Variants in THAP11 observed in about 807,000 individuals in gnomAD.
The protein encoded by THAP11 is THAP domain-containing protein 11.
A neutral mutation model predicts 24.1 loss-of-function variants in THAP11; 8 were observed. The ratio of observed to expected loss-of-function variants is 0.33; its 90% CI spans 0.20 to 0.60. The LOEUF (loss-of-function observed/expected upper bound fraction) is 0.60, where lower values mean the gene tolerates loss of function less well. THAP11 is among the 20% of genes least tolerant of loss of function. The probability of loss-of-function intolerance (pLI) is 0.82; values close to 1 mark genes in which losing one functional copy is unlikely to be tolerated. For synonymous variants in THAP11, 222 were observed against 180.2 expected (o/e 1.23, Z -1.86); for missense variants, 276 against 418.4 (o/e 0.66, Z 2.97).
Position 67,843,634 on chromosome 16 carries a change from G to A in THAP11, c.*135G>A. 1 of 880,020 alleles carries A rather than the reference G, an allele frequency of 1.1e-6. No homozygotes were observed. The highest frequency in any genetic ancestry group is 1.7e-6 in the Non-Finnish European group (1 of 584,124). The allele number at this position is 880,020 out of a possible 1,614,324, so 54.5% of individuals were successfully genotyped here. On this transcript the variant is annotated 3_prime_UTR_variant, in exon 1 of 1. Transcript: ENST00000303596. This position sits in a 1 kb window ranked among gnomAD's most constrained non-coding sequence, Gnocchi z 5.7. ...TTAAGGCAGCTGGACTCTCTTGCTG[G>A]TGACCTGGCATCCTCAATTGTTTCC...
rs1236862167 is a variant in THAP11, at chr16:67,842,707, C to T, written c.153C>T (p.Thr51=). 2.5e-6 allele frequency: 4 copies of T among 1,602,044 alleles called. No homozygotes were observed. Among genetic ancestry groups the T allele is most frequent in the Admixed American group, 1.7e-5 (1 of 58,560 alleles). Residue 51 remains threonine, a synonymous_variant, in exon 1 of 1, where the codon ACC becomes ACT. Transcript: ENST00000303596. This position sits in a 1 kb window ranked among gnomAD's most constrained non-coding sequence, Gnocchi z 4.9. ...CCGGCGTCAGTGGGTGCTTCTCCAC[C>T]TTCCAGCCCACCACAGGCCACCGTC... is the stretch of plus-strand genomic sequence containing the variant. The part of the protein sequence containing the change: ...SRAGVSGCFS[T]FQPTTGHRLC...
rs936424497 is a variant in THAP11, at chr16:67,843,009, C to T, written c.455C>T (p.Ala152Val). The change falls in exon 1 of 1, where the codon GCT (alanine) becomes GTT (valine). Residue 152 changes from alanine (A) to valine (V), a missense_variant. This residue lies in a region of THAP11 where 210 missense variants were observed against 203.4 expected (regional missense o/e 1.03). Transcript: ENST00000303596. The surrounding 1 kb of genome is among the most constrained non-coding windows in gnomAD (Gnocchi z 5.7). Reference protein sequence around the residue: ...TAQLQPNLVSASAAVLLTLQA... With the variant: ...TAQLQPNLVSVSAAVLLTLQA... ...CAGCTGCAGCCGAACCTGGTATCTG[C>T]TTCCGCGGCCGTGCTTCTCACCCTT... is the stretch of plus-strand genomic sequence containing the variant. The T allele has an allele frequency of 6.2e-7, 1 of 1,612,654 alleles. No homozygotes were observed. The highest frequency in any genetic ancestry group is 8.5e-7 in the Non-Finnish European group (1 of 1,180,034).
rs116046135 is a variant in THAP11, at chr16:67,843,641, G to C, written c.*142G>C. 3.9e-3 allele frequency: 3,244 copies of C among 823,976 alleles called. 30 individuals are homozygous for C. The highest frequency in any genetic ancestry group is 0.021 in the African/African-American group (1,222 of 57,556). The allele number at this position is 823,976 out of a possible 1,614,324, so 51.0% of individuals were successfully genotyped here. A position where few individuals can be genotyped will look rare whatever the true frequency, so the allele number is the denominator to read the frequency against. ...AGCTGGACTCTCTTGCTGGTGACCT[G>C]GCATCCTCAATTGTTTCCTCCTGAA... On this transcript the variant is annotated 3_prime_UTR_variant, in exon 1 of 1. Coordinates refer to ENST00000303596, the MANE Select transcript of THAP11 (RefSeq NM_020457.3). The surrounding 1 kb of genome is among the most constrained non-coding windows in gnomAD (Gnocchi z 5.7).
Position 67,842,460 on chromosome 16 carries a change from G to T in THAP11, c.-95G>T, listed in dbSNP as rs1445798633. 6.7e-6 allele frequency: 7 copies of T among 1,037,212 alleles called. No homozygotes were observed. In the African/African-American group the frequency reaches 1.2e-4, roughly 17 times the overall value. 64.3% of individuals were successfully genotyped at this position (1,037,212 alleles called of 1,614,324 possible). ...TGGGATACCACCCAAGGCCTCGCGC[G>T]GCGCCGCCCGTCGAGGGGCGGGCGG... is the stretch of plus-strand genomic sequence containing the variant. On this transcript the variant is annotated 5_prime_UTR_variant, in exon 1 of 1. Coordinates refer to ENST00000303596, the MANE Select transcript of THAP11 (RefSeq NM_020457.3). This position sits in a 1 kb window ranked among gnomAD's most constrained non-coding sequence, Gnocchi z 4.9.
chr16:67,843,133 A>G lies in THAP11; in HGVS notation c.579A>G (p.Gln193=). The G allele has an allele frequency of 1.2e-6, 2 of 1,610,016 alleles. No individual in the cohort carries two copies. Residue 193 remains glutamine (Q), a synonymous_variant, in exon 1 of 1, where the codon CAA becomes CAG. Coordinates refer to ENST00000303596, the MANE Select transcript of THAP11 (RefSeq NM_020457.3). The surrounding 1 kb of genome is among the most constrained non-coding windows in gnomAD (Gnocchi z 5.7). ...TGAAGCCCATCGATCTCACAGTGCA[A>G]GTGGAGTTTGCAGCCGCAGAGGGCG... is the stretch of plus-strand genomic sequence containing the variant. ...EDVKPIDLTV[Q]VEFAAAEGAA... is the part of the protein sequence containing the mutation.
rs763303841 is a variant in THAP11, at chr16:67,843,574, C to G, written c.*75C>G. The G allele has an allele frequency of 4.1e-5, 59 of 1,453,528 alleles. No individual in the cohort carries two copies. Among genetic ancestry groups the G allele is most frequent in the Admixed American group, 3.4e-4 (16 of 46,970 alleles). 90.0% of individuals were successfully genotyped at this position (1,453,528 alleles called of 1,614,324 possible). ...GACCGCAGGCCATTGTTGAACTCCT[C>G]TATACTCCTGGGCACTGGTTGACAG... is the stretch of plus-strand genomic sequence containing the variant. On this transcript the variant is annotated 3_prime_UTR_variant, in exon 1 of 1. Coordinates refer to ENST00000303596, the MANE Select transcript of THAP11 (RefSeq NM_020457.3). The surrounding 1 kb of genome is among the most constrained non-coding windows in gnomAD (Gnocchi z 5.7).
At position 67,842,834 on chromosome 16, in the gene THAP11, CCCGCTGGGGCCGCGG is replaced by C; in HGVS notation, c.285_299del (p.Gly96_Ala100del). The C allele has an allele frequency of 6.2e-7, 1 of 1,609,364 alleles. No individual in the cohort carries two copies. Among genetic ancestry groups the C allele is most frequent in the Non-Finnish European group, 8.5e-7 (1 of 1,179,140 alleles). ...CAATGAGCGCAAAGTAGCGCGCAGA[CCCGCTGGGGCCGCGG>C]CCGCCCGCCGCAGGCAGCAGCAGCA... On this transcript the variant is annotated inframe_deletion, in exon 1 of 1. Transcript: ENST00000303596. The surrounding 1 kb of genome is among the most constrained non-coding windows in gnomAD (Gnocchi z 4.9).
rs2057769808 is a variant in THAP11 at position 67,842,600 on chromosome 16, C to T, written c.46C>T (p.His16Tyr). 6.5e-7 allele frequency: 1 copy of T among 1,548,126 alleles called. No individual in the cohort carries two copies. Among genetic ancestry groups the T allele is most frequent in the Non-Finnish European group, 8.7e-7 (1 of 1,144,962 alleles). Residue 16 changes from histidine (H) to tyrosine (Y), a missense_variant, in exon 1 of 1, where the codon CAC (histidine) becomes TAC (tyrosine). Physicochemically the swap from His to Tyr is moderately conservative, Grantham distance 83. Coordinates refer to ENST00000303596, the MANE Select transcript of THAP11 (RefSeq NM_020457.3). This position sits in a 1 kb window ranked among gnomAD's most constrained non-coding sequence, Gnocchi z 4.9. ...CGTGCCAGGCTGCTACAACAACTCG[C>T]ACCGGGACAAGGCGCTGCACTTCTA... ...CCVPGCYNNS[H>Y]RDKALHFYTF... is the part of the protein sequence containing the mutation.
At position 67,842,386 on chromosome 16, in the gene THAP11, A is replaced by C; in HGVS notation, c.-169A>C. 1 of 309,156 alleles carries C rather than the reference A, an allele frequency of 3.2e-6. No homozygotes were observed. Among genetic ancestry groups the C allele is most frequent in the Non-Finnish European group, 5.2e-6 (1 of 191,578 alleles). The allele number at this position is 309,156 out of a possible 1,614,324, so 19.2% of individuals were successfully genotyped here. ...CGCGGCGCGGGCCGGCAGGAAGCGT[A>C]TTCTGGGCACGGGGCGCCGGGCGGG... On this transcript the variant is annotated 5_prime_UTR_variant, in exon 1 of 1. Coordinates refer to ENST00000303596, the MANE Select transcript of THAP11 (RefSeq NM_020457.3). This position sits in a 1 kb window ranked among gnomAD's most constrained non-coding sequence, Gnocchi z 4.9.
In THAP11 at chr16:67,842,999, C is replaced by T; in HGVS notation, c.445C>T (p.Leu149=). 1 of 1,612,636 alleles carries T rather than the reference C, an allele frequency of 6.2e-7. No individual in the cohort carries two copies. Among genetic ancestry groups the T allele is most frequent in the Non-Finnish European group, 8.5e-7 (1 of 1,180,038 alleles). The change falls in exon 1 of 1, where the codon CTG becomes TTG. Residue 149 remains leucine, a synonymous_variant. Transcript: ENST00000303596. This position sits in a 1 kb window ranked among gnomAD's most constrained non-coding sequence, Gnocchi z 4.9. ...CCAGACTGCCCAGCTGCAGCCGAAC[C>T]TGGTATCTGCTTCCGCGGCCGTGCT... ...TAQTAQLQPN[L]VSASAAVLLT... is the part of the protein sequence containing the mutation.
rs1040073667 is a variant in THAP11, at chr16:67,842,343, G to T, written c.-212G>T. 5 of 194,122 alleles carry T rather than the reference G, an allele frequency of 2.6e-5. No homozygotes were observed. The highest frequency in any genetic ancestry group is 1.9e-4 in the South Asian group (1 of 5,370). 12.0% of individuals were successfully genotyped at this position (194,122 alleles called of 1,614,324 possible). ...CCGGGGCCCACTCCCGAGCGCAGGC[G>T]GGCAGCCAGGCGGGCGGCGCGGCGC... On this transcript the variant is annotated 5_prime_UTR_variant, in exon 1 of 1. Transcript: ENST00000303596. This position sits in a 1 kb window ranked among gnomAD's most constrained non-coding sequence, Gnocchi z 4.9.
At position 67,842,526 on chromosome 16, in the gene THAP11, T is replaced by G. The variant is rs756366744; in HGVS notation, c.-29T>G. 1.7e-5 allele frequency: 25 copies of G among 1,472,320 alleles called. No homozygotes were observed. The African/African-American group carries it at 3.4e-4, about 20-fold the overall frequency. 91.2% of individuals were successfully genotyped at this position (1,472,320 alleles called of 1,614,324 possible). Reference sequence around the variant, plus strand: ...GCCGTCGAAGAGCGCAGGAGGCCGGTGGGCCGGGCCGGGCCGCGCGGCGCA... The same window carrying G: ...GCCGTCGAAGAGCGCAGGAGGCCGGGGGGCCGGGCCGGGCCGCGCGGCGCA... On this transcript the variant is annotated 5_prime_UTR_variant, in exon 1 of 1. Transcript: ENST00000303596. The surrounding 1 kb of genome is among the most constrained non-coding windows in gnomAD (Gnocchi z 4.9).
In THAP11 at chr16:67,843,060, C is replaced by T. The variant is rs1274113256; in HGVS notation, c.506C>T (p.Ala169Val). 1.2e-6 allele frequency: 2 copies of T among 1,611,926 alleles called. No homozygotes were observed. Among genetic ancestry groups the T allele is most frequent in the South Asian group, 2.2e-5 (2 of 91,092 alleles). ...CAGGCCACTGTAGACAGCAGTCAGG[C>T]TCCGGGATCCGTACAGCCGGCGCCC... Reference protein sequence around the residue: ...TLQATVDSSQAPGSVQPAPIT... With the variant: ...TLQATVDSSQVPGSVQPAPIT... Residue 169 changes from alanine (A) to valine (V), a missense_variant, in exon 1 of 1, where the codon GCT becomes GTT. Physicochemically the swap from Ala to Val is moderately conservative, Grantham distance 64. Coordinates refer to ENST00000303596, the MANE Select transcript of THAP11 (RefSeq NM_020457.3). The surrounding 1 kb of genome is among the most constrained non-coding windows in gnomAD (Gnocchi z 5.7).
Position 67,842,320 on chromosome 16 carries a change from G to T in THAP11, c.-235G>T, listed in dbSNP as rs930516907. ...TCAGGCGGTCCTTCGCGGCGTCCCC[G>T]GGGCCCACTCCCGAGCGCAGGCGGG... is the stretch of plus-strand genomic sequence containing the variant. On this transcript the variant is annotated 5_prime_UTR_variant, in exon 1 of 1. Coordinates refer to ENST00000303596, the MANE Select transcript of THAP11 (RefSeq NM_020457.3). The surrounding 1 kb of genome is among the most constrained non-coding windows in gnomAD (Gnocchi z 4.9). 1 of 176,954 alleles carries T rather than the reference G, an allele frequency of 5.7e-6. No individual in the cohort carries two copies. The highest frequency in any genetic ancestry group is 2.0e-4 in the South Asian group (1 of 5,104). 11.0% of individuals were successfully genotyped at this position (176,954 alleles called of 1,614,324 possible).
chr16:67,842,827 G>C lies in THAP11; in HGVS notation c.273G>C (p.Ala91=). 2 of 1,609,310 alleles carry C rather than the reference G, an allele frequency of 1.2e-6. No homozygotes were observed. The highest frequency in any genetic ancestry group is 1.7e-6 in the Non-Finnish European group (2 of 1,179,170). Reference sequence around the variant, plus strand: ...GCGGCGTCAATGAGCGCAAAGTAGCGCGCAGACCCGCTGGGGCCGCGGCCG... The same window carrying C: ...GCGGCGTCAATGAGCGCAAAGTAGCCCGCAGACCCGCTGGGGCCGCGGCCG... The part of the protein sequence containing the change: ...PLRGVNERKV[A]RRPAGAAAAR... Residue 91 remains alanine, a synonymous_variant, in exon 1 of 1, where the codon GCG becomes GCC. Transcript: ENST00000303596. The surrounding 1 kb of genome is among the most constrained non-coding windows in gnomAD (Gnocchi z 4.9).
Position 67,844,083 on chromosome 16 carries a change from A to G in THAP11, c.*584A>G, listed in dbSNP as rs571525078. On this transcript the variant is annotated 3_prime_UTR_variant, in exon 1 of 1. Coordinates refer to ENST00000303596, the MANE Select transcript of THAP11 (RefSeq NM_020457.3). Reference sequence around the variant, plus strand: ...TCCAGCTTGCCAGGGACTTAGGTTTATCCTGTTTTGTTTGCTACTGGTTAC... The same window carrying G: ...TCCAGCTTGCCAGGGACTTAGGTTTGTCCTGTTTTGTTTGCTACTGGTTAC... The G allele has an allele frequency of 1.2e-5, 2 of 167,194 alleles. No homozygotes were observed. Among genetic ancestry groups the G allele is most frequent in the African/African-American group, 4.8e-5 (2 of 41,560 alleles). The allele number at this position is 167,194 out of a possible 1,614,324, so 10.4% of individuals were successfully genotyped here. A position where few individuals can be genotyped will look rare whatever the true frequency, so the allele number is the denominator to read the frequency against.
rs1187551404 is a variant in THAP11, at chr16:67,842,423, G to A, written c.-132G>A. ...GGGCGCCGGGCGGGCCGGCTGCGCC[G>A]AGCGGCAGTGGTGGGATACCACCCA... On this transcript the variant is annotated 5_prime_UTR_variant, in exon 1 of 1. Transcript: ENST00000303596. The surrounding 1 kb of genome is among the most constrained non-coding windows in gnomAD (Gnocchi z 4.9). The A allele has an allele frequency of 1.4e-5, 8 of 573,308 alleles. No individual in the cohort carries two copies. The highest frequency in any genetic ancestry group is 2.0e-5 in the African/African-American group (1 of 50,572). 35.5% of individuals were successfully genotyped at this position (573,308 alleles called of 1,614,324 possible). A position where few individuals can be genotyped will look rare whatever the true frequency, so the allele number is the denominator to read the frequency against.
Position 67,842,963 on chromosome 16 carries a change from G to T in THAP11, c.409G>T (p.Ala137Ser). ...QQQQQQSSPSASTAQTAQLQP... is the reference protein window; with the variant it reads ...QQQQQQSSPSSSTAQTAQLQP... Reference sequence around the variant, plus strand: ...GCAGCAGCAGCAGTCCTCACCCTCTGCCTCCACTGCCCAGACTGCCCAGCT... The same window carrying T: ...GCAGCAGCAGCAGTCCTCACCCTCTTCCTCCACTGCCCAGACTGCCCAGCT... The change falls in exon 1 of 1, where the codon GCC (alanine) becomes TCC (serine). Residue 137 changes from alanine (A) to serine (S), a missense_variant. By Grantham distance (99) the Ala-to-Ser change is moderately conservative (BLOSUM62 1). Transcript: ENST00000303596. The surrounding 1 kb of genome is among the most constrained non-coding windows in gnomAD (Gnocchi z 4.9). 1 of 1,606,420 alleles carries T rather than the reference G, an allele frequency of 6.2e-7. No individual in the cohort carries two copies.
In THAP11 at chr16:67,843,016, G is replaced by A. The variant is rs1237792389; in HGVS notation, c.462G>A (p.Ala154=). 2 of 1,612,546 alleles carry A rather than the reference G, an allele frequency of 1.2e-6. No individual in the cohort carries two copies. Among genetic ancestry groups the A allele is most frequent in the Non-Finnish European group, 1.7e-6 (2 of 1,180,016 alleles). Residue 154 remains alanine (A), a synonymous_variant, in exon 1 of 1, where the codon GCG becomes GCA. Coordinates refer to ENST00000303596, the MANE Select transcript of THAP11 (RefSeq NM_020457.3). The surrounding 1 kb of genome is among the most constrained non-coding windows in gnomAD (Gnocchi z 5.7). ...QLQPNLVSAS[A]AVLLTLQATV... ...AGCCGAACCTGGTATCTGCTTCCGCGGCCGTGCTTCTCACCCTTCAGGCCA... is the reference window on the plus strand; with the variant it reads ...AGCCGAACCTGGTATCTGCTTCCGCAGCCGTGCTTCTCACCCTTCAGGCCA...
Sources: allele counts gnomAD v4.1 joint callset, GRCh38; gene constraint gnomAD v4.1.1; regional missense constraint gnomAD v4.1.1; non-coding constraint Gnocchi (gnomAD v3.1); transcripts MANE v1.5; gene names NCBI Gene and HGNC (gene_info 2026-07-23, HGNC 2026-07-21).